Variants in PPFIBP1 observed in about 807,000 individuals in gnomAD.
PPFIBP1 encodes the protein PPFIB scaffold protein 1.
PPFIBP1 carries 112 observed loss-of-function variants against 137.8 expected under a neutral mutation model. The observed-to-expected ratio is 0.81, with a 90% CI of 0.70 to 0.95. The LOEUF (loss-of-function observed/expected upper bound fraction) is 0.95, where lower values mean the gene tolerates loss of function less well. PPFIBP1 is among the 40% of genes least tolerant of loss of function. The probability of loss-of-function intolerance (pLI) is 0.00; values close to 1 mark genes in which losing one functional copy is unlikely to be tolerated. For missense variants in PPFIBP1, 1,083 were observed against 1,196.6 expected (o/e 0.91, Z 1.40); for synonymous variants, 378 against 417.3 (o/e 0.91, Z 1.15).
intron 9 of PPFIBP1, among the ~76,000 whole-genome samples, chr12:27,658,202 G>A (rs961221037): frequency 1.3e-5 from 2 of 151,372 alleles, no homozygotes; most frequent in Non-Finnish European, 2.9e-5. Flanking sequence ...AGATATTAGA[G>A]TATGCTCCCC....
intron 2 of PPFIBP1, among the ~76,000 whole-genome samples, chr12:27,582,120 A>AT (rs145145861): frequency 3.1e-4 from 47 of 149,268 alleles, no homozygotes; most frequent in South Asian, 2.8e-3. Context: ...AATGACTTTG[A>AT]TTTTTTTTTT....
At chr12:27,638,177 T>C (rs2057822339) in intron 4 of PPFIBP1, among the ~76,000 whole-genome samples, 1 of 152,202 alleles carries the variant, frequency 6.6e-6, no homozygotes, top group Non-Finnish European at 1.5e-5. Flanking sequence ...TTACTACCAC[T>C]GAACTGTACA....
intron 8 of PPFIBP1, chr12:27,655,308 T>A: frequency 5.8e-6 from 6 of 1,039,906 alleles, no homozygotes; most frequent in South Asian, 5.5e-5. Flanking sequence ...TGTGATGATG[T>A]TTTTAGTGGC....
At chr12:27,528,624 G>A (rs1944046980) in intron 1 of PPFIBP1, among the ~76,000 whole-genome samples, 1 of 152,124 alleles carries the variant, frequency 6.6e-6, no homozygotes, top group Admixed American at 6.6e-5. Flanking sequence ...AATAATTACT[G>A]ATGCTCAATT....
intron 2 of PPFIBP1, chr12:27,599,487 A>G (rs1203486819): frequency 6.6e-6 from 3 of 455,708 alleles, no homozygotes; most frequent in East Asian, 1.4e-4. Flanking sequence ...TGCGTGAGCC[A>G]ATTCCTTAAA....
chr12:27,581,651 T>C (rs1379295575), intron 2 of PPFIBP1, among the ~76,000 whole-genome samples: 1 of 152,200 alleles, frequency 6.6e-6, no homozygotes. Flanking sequence ...TGGGGTTTTC[T>C]ATCTCCTGAC....
chr12:27,648,450 A>C (rs556175725), intron 6 of PPFIBP1, among the ~76,000 whole-genome samples: 2 of 152,300 alleles, frequency 1.3e-5, no homozygotes, highest in African/African-American at 4.8e-5. Context: ...AGGTTCCTCA[A>C]AAAACTGAAA....
intron 21 of PPFIBP1, 107 bp downstream of exon 21, chr12:27,680,168 T>C (rs1408528322): frequency 1.4e-6 from 2 of 1,414,066 alleles, no homozygotes; most frequent in Non-Finnish European, 1.9e-6. Flanking sequence ...CATTGCTTAA[T>C]GCTGTGCCTA....
chr12:27,541,669 G>A (rs955610456), intron 1 of PPFIBP1, among the ~76,000 whole-genome samples: 3 of 152,180 alleles, frequency 2.0e-5, no homozygotes, highest in Non-Finnish European at 2.9e-5. Context: ...GCTTGAAGAC[G>A]AAGGTAACAA....
chr12:27,646,165 T>C lies in PPFIBP1; in HGVS notation c.357+17T>C. On this transcript the variant is annotated intron_variant, in intron 5 of 29. Coordinates refer to ENST00000228425, the MANE Select transcript of PPFIBP1 (RefSeq NM_003622.4). ...GTTCTTCAGGCAAGTGATTTTTAAA[T>C]ACTGTTCTTTCCTTGCAGCATACTT... 1 of 1,567,096 alleles carries C rather than the reference T, an allele frequency of 6.4e-7. No individual in the cohort carries two copies. The highest frequency in any genetic ancestry group is 8.8e-7 in the Non-Finnish European group (1 of 1,138,448).
At chr12:27,671,391 G>A (rs769749526) in intron 13 of PPFIBP1, 40 bp from the exon 14 acceptor site, 1 of 1,195,534 alleles carries the variant, frequency 8.4e-7, no homozygotes, top group Non-Finnish European at 1.2e-6. Flanking sequence ...CTTGTGTTTT[G>A]TTTTGATTGA....
intron 1 of PPFIBP1, among the ~76,000 whole-genome samples, chr12:27,529,509 C>G (rs867405957): frequency 1.3e-5 from 2 of 152,190 alleles, no homozygotes; most frequent in African/African-American, 4.8e-5. Context: ...GCCTGGCCAA[C>G]ATGGCAAAAC....
rs552771226 is a variant in PPFIBP1 at position 27,661,142 on chromosome 12, C to T, written c.906+197C>T. Among the ~76,000 whole-genome samples the T allele has an allele frequency of 2.6e-5, 4 of 152,316 alleles. No homozygotes were observed. In the South Asian group the frequency reaches 6.2e-4, roughly 24 times the overall value. ...AGCTGCACTGGCTCCACTGAGAACT[C>T]CTGCCCCCACGAATTCAGAAAATGT... On this transcript the variant is annotated intron_variant, in intron 11 of 29. Transcript: ENST00000228425.
intron 2 of PPFIBP1, among the ~76,000 whole-genome samples, chr12:27,605,934 G>A (rs946865937): frequency 6.6e-5 from 10 of 152,210 alleles, no homozygotes; most frequent in African/African-American, 2.4e-4. Flanking sequence ...CCAAAATAAA[G>A]TTAAGATCGT....
intron 4 of PPFIBP1, among the ~76,000 whole-genome samples, chr12:27,643,005 C>T (rs1342254421): frequency 1.3e-5 from 2 of 151,968 alleles, no homozygotes; most frequent in Non-Finnish European, 2.9e-5. Flanking sequence ...ACAAGATGGC[C>T]TTAACTATTG....
chr12:27,679,327 A>G (rs2060745568), intron 19 of PPFIBP1, among the ~76,000 whole-genome samples, 162 bp from the exon 20 acceptor site: 1 of 152,218 alleles, frequency 6.6e-6, no homozygotes, highest in African/African-American at 2.4e-5. Flanking sequence ...ATGGAGCAGA[A>G]CGTATATGTG....
chr12:27,617,527 A>T (rs2055891114), intron 2 of PPFIBP1, among the ~76,000 whole-genome samples: 1 of 152,174 alleles, frequency 6.6e-6, no homozygotes, highest in Non-Finnish European at 1.5e-5. Flanking sequence ...TGGTTCTAGG[A>T]TCTCCTGAGG....
intron 2 of PPFIBP1, among the ~76,000 whole-genome samples, chr12:27,606,535 T>G (rs979666892): frequency 9.2e-5 from 14 of 152,260 alleles, no homozygotes; most frequent in African/African-American, 3.4e-4. Context: ...GATGCTTACA[T>G]AAACTTTAAC....
In PPFIBP1 at chr12:27,672,492, C is replaced by G. The variant is rs2060261388; in HGVS notation, c.1319+9C>G. ...CTGTGTGATAAACTTTTGTAAGTTA[C>G]ATTTTATTGAATGTGAAAAATGTGA... On this transcript the variant is annotated intron_variant, in intron 15 of 29. Coordinates refer to ENST00000228425, the MANE Select transcript of PPFIBP1 (RefSeq NM_003622.4). The G allele has an allele frequency of 6.3e-7, 1 of 1,587,558 alleles. No individual in the cohort carries two copies. Among genetic ancestry groups the G allele is most frequent in the East Asian group, 2.2e-5 (1 of 44,652 alleles).
Sources: allele counts gnomAD v4.1 joint callset (sites outside exome capture counted in the v4.1 genomes callset), GRCh38; gene constraint gnomAD v4.1.1; transcripts MANE v1.5; gene names NCBI Gene and HGNC (gene_info 2026-07-23, HGNC 2026-07-21).